The following SLC24A2 variants were observed in gnomAD, a reference collection of about 807,000 sequenced individuals.
SLC24A2 encodes the protein sodium/potassium/calcium exchanger 2.
SLC24A2 carries 36 observed loss-of-function variants against 62.0 expected under a neutral mutation model. That is an observed-to-expected ratio of 0.58 (90% confidence interval 0.44 to 0.77). The LOEUF is 0.77. SLC24A2 is among the 30% of genes least tolerant of loss of function. SLC24A2 has a pLI of 0.00. For synonymous variants in SLC24A2, 358 were observed against 294.0 expected (o/e 1.22, Z -2.23); for missense variants, 846 against 817.9 (o/e 1.03, Z -0.42).
chr9:19,827,820 AG>A, the SLC24A2 span, among the ~76,000 whole-genome samples: 1 of 152,174 alleles, frequency 6.6e-6, no homozygotes, highest in African/African-American at 2.4e-5. Flanking sequence ...TGTCCTACTG[AG>A]GGTTAAGCAT....
intron 2 of SLC24A2, among the ~76,000 whole-genome samples, chr9:19,658,095 T>G (rs1280402499): frequency 6.6e-6 from 1 of 152,188 alleles, no homozygotes; most frequent in Non-Finnish European, 1.5e-5. Context: ...ACCTCCATTA[T>G]GGAAATTACC....
At chr9:19,688,263 G>T (rs1463161375) in intron 2 of SLC24A2, among the ~76,000 whole-genome samples, 7 of 152,104 alleles carry the variant, frequency 4.6e-5, no homozygotes, top group Non-Finnish European at 7.4e-5. Flanking sequence ...ATTACTGATT[G>T]TGTGGCTTTA....
At position 19,786,389 on chromosome 9, in the gene SLC24A2, A is replaced by T. The variant is rs1443062392; in HGVS notation, c.478T>A (p.Ser160Thr). The T allele has an allele frequency of 1.2e-6, 2 of 1,614,220 alleles. No homozygotes were observed. The highest frequency in any genetic ancestry group is 3.3e-5 in the Admixed American group (2 of 60,032). ...AIVCDEFFVP[S>T]LTVITEKLGI... ...AGTTTTTCAGTGATGACAGTCAAAG[A>T]AGGAACAAAGAACTCATCACAGACA... The change falls in exon 2 of 11, where the codon TCT (serine) becomes ACT (threonine). Residue 160 changes from serine (S) to threonine (T), a missense_variant. By Grantham distance (58) the Ser-to-Thr change is moderately conservative (BLOSUM62 1). Coordinates refer to ENST00000341998, the MANE Select transcript of SLC24A2 (RefSeq NM_020344.4). This position sits in a 1 kb window ranked among gnomAD's most constrained non-coding sequence, Gnocchi z 5.0.
chr9:19,830,312 C>A, the SLC24A2 span, among the ~76,000 whole-genome samples: 2 of 152,136 alleles, frequency 1.3e-5, no homozygotes, highest in Non-Finnish European at 2.9e-5. Context: ...GAATCTGGGG[C>A]CTTTTTAATC....
intron 7 of SLC24A2, 25 bp from the exon 8 acceptor site, chr9:19,550,293 TAAAC>T (rs758677025): frequency 7.4e-6 from 12 of 1,612,738 alleles, no homozygotes; most frequent in South Asian, 2.2e-5. Flanking sequence ...GAGGTAAAAT[TAAAC>T]AAACAAAAAA....
At chr9:19,859,697 G>A in the SLC24A2 span, among the ~76,000 whole-genome samples, 2 of 151,996 alleles carry the variant, frequency 1.3e-5, no homozygotes, top group Non-Finnish European at 1.5e-5. Flanking sequence ...CACTGAAGAG[G>A]TACAAAAAAC....
rs1275622190 is a variant in SLC24A2 at position 19,528,056 on chromosome 9, G to A, written c.1562C>T (p.Ala521Val). Reference protein sequence around the residue: ...AVFSYLMVWWAHQVGETIGIS... With the variant: ...AVFSYLMVWWVHQVGETIGIS... ...TCACTATCAAAATCTTACCTGGTGC[G>A]CCCACCAGACCATCAAGTAAGAGAA... The change falls in exon 9 of 11, where the codon GCG becomes GTG. Residue 521 changes from alanine (A) to valine (V), a missense_variant. Ala to Val is a moderately conservative substitution (Grantham distance 64). Transcript: ENST00000341998. The A allele has an allele frequency of 2.5e-6, 4 of 1,582,730 alleles. No homozygotes were observed. Among genetic ancestry groups the A allele is most frequent in the Non-Finnish European group, 3.4e-6 (4 of 1,160,722 alleles).
intron 5 of SLC24A2, among the ~76,000 whole-genome samples, chr9:19,595,753 G>A (rs1277305484): frequency 1.3e-5 from 2 of 152,132 alleles, no homozygotes; most frequent in Non-Finnish European, 2.9e-5. Flanking sequence ...GTACGTAGGA[G>A]GTAGGACATT....
rs536581132 is a variant in SLC24A2 at position 19,673,650 on chromosome 9, A to G, written c.931-51351T>C. Among the ~76,000 whole-genome samples the G allele has an allele frequency of 3.2e-4, 48 of 152,218 alleles. 1 individual carries two copies. Among genetic ancestry groups the G allele is most frequent in the Admixed American group, 7.2e-4 (11 of 15,280 alleles). On this transcript the variant is annotated intron_variant, in intron 2 of 10. Transcript: ENST00000341998. ...TTTTTAGTACAGATGCAGTTTCGCT[A>G]TGTTGGTCAGTCTGGTCTCGAACTT...
At chr9:20,211,235 G>A in the SLC24A2 span, among the ~76,000 whole-genome samples, 3 of 152,052 alleles carry the variant, frequency 2.0e-5, no homozygotes, top group African/African-American at 4.8e-5. Flanking sequence ...CATGCTGGCC[G>A]GGCGCGGTGG....
chr9:20,273,214 C>T, the SLC24A2 span, among the ~76,000 whole-genome samples: 2 of 152,160 alleles, frequency 1.3e-5, no homozygotes, highest in Admixed American at 6.5e-5. Context: ...GAAAGGTCAC[C>T]CTCAGACACT....
the SLC24A2 span, among the ~76,000 whole-genome samples, chr9:20,169,516 G>C: frequency 6.6e-6 from 1 of 152,012 alleles, no homozygotes; most frequent in African/African-American, 2.4e-5. Flanking sequence ...ACTTTGTGCA[G>C]ACAACCCCCA....
intron 7 of SLC24A2, among the ~76,000 whole-genome samples, chr9:19,567,893 T>C (rs538137612): frequency 6.6e-6 from 1 of 152,174 alleles, no homozygotes; most frequent in Non-Finnish European, 1.5e-5. Flanking sequence ...GTGAGAGTAT[T>C]TTAAAAATGC....
At chr9:19,945,350 T>C in the SLC24A2 span, among the ~76,000 whole-genome samples, 5 of 151,952 alleles carry the variant, frequency 3.3e-5, no homozygotes, top group South Asian at 4.2e-4. Flanking sequence ...ACATAAAAGA[T>C]TGAGCAGGGA....
At chr9:20,050,004 T>C in the SLC24A2 span, among the ~76,000 whole-genome samples, 3 of 152,032 alleles carry the variant, frequency 2.0e-5, no homozygotes, top group African/African-American at 7.2e-5. Context: ...CACAGGGAAA[T>C]ACAGCTTTCA....
the SLC24A2 span, among the ~76,000 whole-genome samples, chr9:20,098,392 G>T: frequency 6.6e-6 from 1 of 152,250 alleles, no homozygotes; most frequent in African/African-American, 2.4e-5. Context: ...TGGGTTTTTT[G>T]ATTTCAAAGA....
chr9:19,722,202 G>A (rs1407812120), intron 2 of SLC24A2, among the ~76,000 whole-genome samples: 1 of 152,052 alleles, frequency 6.6e-6, no homozygotes, highest in Non-Finnish European at 1.5e-5. Context: ...ATTTCCTTAG[G>A]TGAAAAAACC....
chr9:19,971,071 A>T, the SLC24A2 span, among the ~76,000 whole-genome samples: 2 of 152,200 alleles, frequency 1.3e-5, no homozygotes. Flanking sequence ...TCTGAAAAGC[A>T]CTTATGGGTT....
At chr9:20,106,225 G>C in the SLC24A2 span, among the ~76,000 whole-genome samples, 2 of 152,092 alleles carry the variant, frequency 1.3e-5, no homozygotes, top group Non-Finnish European at 2.9e-5. Context: ...CAACCAAAAA[G>C]AGTCCAGGAA....
Sources: gnomAD v4.1 joint callset for allele counts (sites outside exome capture counted in the v4.1 genomes callset) on GRCh38, gnomAD v4.1.1 for gene constraint, Gnocchi (gnomAD v3.1) non-coding constraint, MANE v1.5 for transcripts, NCBI Gene and HGNC (gene_info 2026-07-23, HGNC 2026-07-21) for gene names.